The following LRP1B variants were observed in gnomAD, a reference collection of about 807,000 sequenced individuals.
LRP1B encodes low-density lipoprotein receptor-related protein 1B.
In LRP1B, 217 loss-of-function variants were observed where a neutral mutation model predicts 556.6. That is an observed-to-expected ratio of 0.39 (90% confidence interval 0.35 to 0.44). The LOEUF is 0.44. LRP1B is among the 20% of genes least tolerant of loss of function. The pLI, the probability that LRP1B is intolerant of heterozygous loss-of-function variation, is 1.00. For missense variants in LRP1B, 5,053 were observed against 5,620.8 expected (o/e 0.90, Z 3.23); for synonymous variants, 2,047 against 1,865.8 (o/e 1.10, Z -2.50).
intron 20 of LRP1B, among the ~76,000 whole-genome samples, chr2:140,949,409 GAC>G (rs1266578110): frequency 6.6e-6 from 1 of 152,072 alleles, no homozygotes; most frequent in Non-Finnish European, 1.5e-5. Flanking sequence ...CCAGGCGAAT[GAC>G]AGGGTTATCA....
chr2:141,325,692 A>C (rs904759223), intron 3 of LRP1B, among the ~76,000 whole-genome samples: 1 of 152,144 alleles, frequency 6.6e-6, no homozygotes, highest in Non-Finnish European at 1.5e-5. Context: ...GATGGAAAAA[A>C]ATGACATGAA....
In LRP1B at chr2:140,256,449, C is replaced by CTTTTTTTTTTT. The variant is rs764826231; in HGVS notation, c.13248-9298_13248-9288dup. 7.9e-5 allele frequency among the ~76,000 whole-genome samples: 2 copies of CTTTTTTTTTTT among 25,292 alleles called. 1 individual carries two copies. The highest frequency in any genetic ancestry group is 2.6e-4 in the African/African-American group (2 of 7,706). 16.6% of individuals were successfully genotyped at this position (25,292 alleles called of 152,430 possible). The stretch of plus-strand genomic sequence containing the variant: ...GGTTTTCTTTTCTCTTTTTTCCTTC[C>CTTTTTTTTTTT]TTTTTTTTTTTTTTTTTTTTTTTTT... On this transcript the variant is annotated intron_variant, in intron 86 of 90. Coordinates refer to ENST00000389484, the MANE Select transcript of LRP1B (RefSeq NM_018557.3).
At chr2:140,852,967 C>T (rs563652371) in intron 27 of LRP1B, among the ~76,000 whole-genome samples, 1 of 151,786 alleles carries the variant, frequency 6.6e-6, no homozygotes, top group Non-Finnish European at 1.5e-5. Flanking sequence ...TTCTTGTAGC[C>T]CCATCAAGAA....
At position 142,022,602 on chromosome 2, in the gene LRP1B, G is replaced by C. The variant is rs181690928; in HGVS notation, c.82+108046C>G. Among the ~76,000 whole-genome samples, 726 of 152,124 alleles carry C rather than the reference G, an allele frequency of 4.8e-3. 3 individuals carry two copies. The highest frequency in any genetic ancestry group is 0.014 in the Middle Eastern group (4 of 292). ...TGTTTTCTCATTAAGCCATGTGAAA[G>C]GGGCTTAATGAACAAATCTCATTAC... On this transcript the variant is annotated intron_variant, in intron 1 of 90. Coordinates refer to ENST00000389484, the MANE Select transcript of LRP1B (RefSeq NM_018557.3).
chr2:140,337,285 C>G (rs1027681615), intron 77 of LRP1B, among the ~76,000 whole-genome samples: 1 of 151,670 alleles, frequency 6.6e-6, no homozygotes, highest in Non-Finnish European at 1.5e-5. Flanking sequence ...ATTTTATTAC[C>G]CTATTTCTCA....
intron 2 of LRP1B, among the ~76,000 whole-genome samples, chr2:141,487,796 T>C (rs1437078243): frequency 6.6e-6 from 1 of 152,130 alleles, no homozygotes; most frequent in Non-Finnish European, 1.5e-5. Flanking sequence ...GTTTTCTTTG[T>C]GAAAAACAGC....
chr2:141,300,735 C>T (rs1054389660), intron 3 of LRP1B, among the ~76,000 whole-genome samples: 1 of 152,142 alleles, frequency 6.6e-6, no homozygotes, highest in African/African-American at 2.4e-5. Flanking sequence ...TTGCTTCCAC[C>T]ATGATTGTGA....
chr2:141,759,790 G>A (rs565083542), intron 2 of LRP1B, among the ~76,000 whole-genome samples: 1 of 152,252 alleles, frequency 6.6e-6, no homozygotes, highest in South Asian at 2.1e-4. Flanking sequence ...TTGAGGGGGA[G>A]ACATTGTCTG....
At chr2:140,906,033 T>C (rs533659774) in intron 22 of LRP1B, among the ~76,000 whole-genome samples, 25 of 152,290 alleles carry the variant, frequency 1.6e-4, no homozygotes, top group African/African-American at 5.5e-4. Context: ...GCTATAACCA[T>C]AGAAAAGGCA....
rs1041766037 is a variant in LRP1B, at chr2:141,752,584, C to T, written c.205+57695G>A. Reference sequence around the variant, plus strand: ...CAAAGGTAGCCATGGATTGGAATGACCTGGGTAGCTTTTAAGAACTCACTG... The same window carrying T: ...CAAAGGTAGCCATGGATTGGAATGATCTGGGTAGCTTTTAAGAACTCACTG... On this transcript the variant is annotated intron_variant, in intron 2 of 90. Transcript: ENST00000389484. Among the ~76,000 whole-genome samples the T allele has an allele frequency of 2.6e-5, 4 of 151,958 alleles. No homozygotes were observed. The East Asian group carries it at 7.7e-4, about 29-fold the overall frequency.
At chr2:141,299,601 C>A (rs1686311444) in intron 3 of LRP1B, among the ~76,000 whole-genome samples, 1 of 152,134 alleles carries the variant, frequency 6.6e-6, no homozygotes, top group Non-Finnish European at 1.5e-5. Flanking sequence ...ATTGAAATAT[C>A]ACCATCTTCC....
intron 20 of LRP1B, among the ~76,000 whole-genome samples, chr2:140,949,490 A>G (rs189126294): frequency 1.4e-4 from 22 of 152,340 alleles, no homozygotes; most frequent in Non-Finnish European, 2.8e-4. Flanking sequence ...CTAGAAAGTC[A>G]GTCAGTTGGA....
intron 3 of LRP1B, among the ~76,000 whole-genome samples, chr2:141,356,913 C>T (rs1292817542): frequency 3.3e-5 from 5 of 152,066 alleles, no homozygotes; most frequent in Admixed American, 6.5e-5. Flanking sequence ...GAGGTTAAAA[C>T]GCCAATTATT....
At chr2:140,894,862 G>A (rs1693904690) in intron 23 of LRP1B, among the ~76,000 whole-genome samples, 1 of 151,680 alleles carries the variant, frequency 6.6e-6, no homozygotes, top group Non-Finnish European at 1.5e-5. Context: ...AGAATCACTT[G>A]AACCTGGGAG....
chr2:140,944,046 G>C (rs541288898), intron 20 of LRP1B, among the ~76,000 whole-genome samples: 366 of 152,154 alleles, frequency 2.4e-3, no homozygotes, highest in Non-Finnish European at 4.2e-3. Flanking sequence ...GAACAAAAGA[G>C]AGAAGATCCA....
At chr2:140,819,505 A>T (rs879348168) in intron 31 of LRP1B, among the ~76,000 whole-genome samples, 1 of 152,200 alleles carries the variant, frequency 6.6e-6, no homozygotes, top group Admixed American at 6.5e-5. Flanking sequence ...AAAAAAATGC[A>T]ATTGAAAAAT....
chr2:140,525,737 G>A (rs1558943388), intron 49 of LRP1B, 107 bp downstream of exon 49: 11 of 968,864 alleles, frequency 1.1e-5, no homozygotes, highest in Non-Finnish European at 1.5e-5. Context: ...AAATTTTAAT[G>A]TCAATAATTG....
intron 82 of LRP1B, among the ~76,000 whole-genome samples, chr2:140,317,609 G>A (rs1362354124): frequency 6.6e-6 from 1 of 152,060 alleles, no homozygotes; most frequent in Non-Finnish European, 1.5e-5. Flanking sequence ...TACGCAGAGT[G>A]GAAATATGCT....
At position 140,314,759 on chromosome 2, in the gene LRP1B, AC is replaced by A. The variant is rs376005800; in HGVS notation, c.12805+175del. On this transcript the variant is annotated intron_variant, in intron 83 of 90. Transcript: ENST00000389484. ...AGTAATTGTTAAATTTTTGGCTTGA[AC>A]TTTTATATACTGAATTTAGAACAAA... 2.6e-3 allele frequency among the ~76,000 whole-genome samples: 395 copies of A among 152,238 alleles called. 3 individuals carry two copies. Among genetic ancestry groups the A allele is most frequent in the African/African-American group, 9.0e-3 (376 of 41,566 alleles).
Sources: gnomAD v4.1 joint callset for allele counts (sites outside exome capture counted in the v4.1 genomes callset) on GRCh38, gnomAD v4.1.1 for gene constraint, MANE v1.5 for transcripts, NCBI Gene and HGNC (gene_info 2026-07-23, HGNC 2026-07-21) for gene names.